The following BMP6 variants were observed in gnomAD, a reference collection of about 807,000 sequenced individuals.
BMP6 encodes bone morphogenetic protein 6, also known as VG-1-R.
BMP6 carries 17 observed loss-of-function variants against 54.1 expected under a neutral mutation model. The observed-to-expected ratio is 0.31, with a 90% CI of 0.22 to 0.47. The LOEUF (loss-of-function observed/expected upper bound fraction) is 0.47, where lower values mean the gene tolerates loss of function less well. BMP6 is among the 20% of genes least tolerant of loss of function. BMP6 has a pLI of 1.00. For missense variants in BMP6, 720 were observed against 690.4 expected (o/e 1.04, Z -0.48); for synonymous variants, 328 against 291.2 (o/e 1.13, Z -1.28).
chr6:7,747,412 C>T (rs1757363622), intron 1 of BMP6, among the ~76,000 whole-genome samples: 1 of 152,140 alleles, frequency 6.6e-6, no homozygotes, highest in Non-Finnish European at 1.5e-5. Flanking sequence ...GAAACATGAG[C>T]ACCTTTGAAG....
chr6:7,856,763 AT>A (rs1212198757), intron 2 of BMP6, among the ~76,000 whole-genome samples: 8 of 149,322 alleles, frequency 5.4e-5, no homozygotes, highest in Admixed American at 2.0e-4. Flanking sequence ...CGCCCGGCTA[AT>A]TTTTTGTATT....
intron 2 of BMP6, among the ~76,000 whole-genome samples, chr6:7,854,624 C>G (rs1053868714): frequency 6.6e-6 from 1 of 152,162 alleles, no homozygotes; most frequent in Non-Finnish European, 1.5e-5. Context: ...GGGTGAACCC[C>G]CGTCTCTACT....
At chr6:7,869,263 G>A (rs1320755203) in intron 4 of BMP6, among the ~76,000 whole-genome samples, 2 of 152,374 alleles carry the variant, frequency 1.3e-5, no homozygotes, top group Middle Eastern at 3.4e-3. Context: ...GGCCTCCAGT[G>A]CCAGGGAAGC....
chr6:7,755,469 T>C (rs756639239), intron 1 of BMP6, among the ~76,000 whole-genome samples: 1 of 152,252 alleles, frequency 6.6e-6, no homozygotes, highest in Non-Finnish European at 1.5e-5. Context: ...TCAATTTCCT[T>C]CTTCTGTTCT....
chr6:7,877,329 TC>T (rs1759636506), intron 4 of BMP6, among the ~76,000 whole-genome samples: 1 of 152,110 alleles, frequency 6.6e-6, no homozygotes, highest in Non-Finnish European at 1.5e-5. Flanking sequence ...CCTTAAAAAA[TC>T]ATGAAATCTG....
At chr6:7,736,498 A>T (rs938838883) in intron 1 of BMP6, among the ~76,000 whole-genome samples, 2 of 152,230 alleles carry the variant, frequency 1.3e-5, no homozygotes, top group Non-Finnish European at 2.9e-5. Context: ...AGAGGACTTT[A>T]AAAGGCTTCC....
At position 7,880,059 on chromosome 6, in the gene BMP6, C is replaced by T. The variant is rs779365354; in HGVS notation, c.1350C>T (p.Asn450=). ...YCDGECSFPL[N]AHMNATNHAI... is the part of the protein sequence containing the mutation. ...ATGGAGAATGCTCCTTCCCACTCAA[C>T]GCACACATGAATGCAACCAACCACG... The change falls in exon 6 of 7, where the codon AAC becomes AAT. Residue 450 remains asparagine (N), a synonymous_variant. Coordinates refer to ENST00000283147, the MANE Select transcript of BMP6 (RefSeq NM_001718.6). 9.9e-6 allele frequency: 16 copies of T among 1,614,168 alleles called. No homozygotes were observed. The East Asian group carries it at 1.3e-4, about 13-fold the overall frequency.
chr6:7,864,131 G>T (rs775081816), intron 4 of BMP6, among the ~76,000 whole-genome samples: 1 of 152,158 alleles, frequency 6.6e-6, no homozygotes, highest in Non-Finnish European at 1.5e-5. Context: ...CCCGTAGCTA[G>T]TTAGGATTGA....
At chr6:7,849,555 A>T (rs946477050) in intron 2 of BMP6, among the ~76,000 whole-genome samples, 9 of 152,104 alleles carry the variant, frequency 5.9e-5, no homozygotes, top group Admixed American at 4.6e-4. Context: ...TGCACTCATG[A>T]TCTTTGTTCT....
At chr6:7,877,799 C>A (rs186813048) in intron 4 of BMP6, among the ~76,000 whole-genome samples, 173 of 152,334 alleles carry the variant, frequency 1.1e-3, no homozygotes, top group African/African-American at 4.0e-3. Context: ...TAGGCTCTTA[C>A]ACCCACTGAC....
At chr6:7,780,792 G>T (rs1054129862) in intron 1 of BMP6, among the ~76,000 whole-genome samples, 1 of 151,972 alleles carries the variant, frequency 6.6e-6, no homozygotes, top group Non-Finnish European at 1.5e-5. Flanking sequence ...GCTCACTGCA[G>T]TGTTGATCTC....
Position 7,879,146 on chromosome 6 carries a change from G to A in BMP6, c.1277G>A (p.Trp426Ter). 1 of 1,613,608 alleles carries A rather than the reference G, an allele frequency of 6.2e-7. No homozygotes were observed. The highest frequency in any genetic ancestry group is 8.5e-7 in the Non-Finnish European group (1 of 1,179,462). The stretch of plus-strand genomic sequence containing the variant: ...TATGTGAGTTTCCAAGACCTGGGAT[G>A]GCAGGTGAGTTCTCTGGACACGGGG... ...ELYVSFQDLG[W>*]QDWIIAPKGY... The change falls in exon 5 of 7, where the codon TGG (tryptophan) becomes TAG (stop). Residue 426 changes from tryptophan (W) to a stop codon, truncating the protein, a stop_gained. Coordinates refer to ENST00000283147, the MANE Select transcript of BMP6 (RefSeq NM_001718.6). LOFTEE classifies it high-confidence loss of function.
chr6:7,862,127 C>T (rs1483391428), intron 3 of BMP6, among the ~76,000 whole-genome samples, 174 bp from the exon 4 acceptor site: 1 of 152,142 alleles, frequency 6.6e-6, no homozygotes, highest in Non-Finnish European at 1.5e-5. Context: ...TTGATTCTGC[C>T]AAAAGATGCC....
chr6:7,744,709 T>G (rs902362326), intron 1 of BMP6, among the ~76,000 whole-genome samples: 7 of 152,230 alleles, frequency 4.6e-5, no homozygotes, highest in African/African-American at 1.7e-4. Flanking sequence ...TTATCTGCCC[T>G]GAGCATGGGT....
At chr6:7,860,646 TCAC>T (rs1376253970) in intron 2 of BMP6, among the ~76,000 whole-genome samples, 3 of 152,206 alleles carry the variant, frequency 2.0e-5, no homozygotes, top group Non-Finnish European at 2.9e-5. Context: ...CAGCTGTAGC[TCAC>T]CACTGTGCTG....
At chr6:7,764,177 T>C (rs1757652227) in intron 1 of BMP6, among the ~76,000 whole-genome samples, 1 of 152,136 alleles carries the variant, frequency 6.6e-6, no homozygotes, top group South Asian at 2.1e-4. Context: ...GCTGAGGCTG[T>C]TGGAGCATGG....
chr6:7,859,183 T>TTCC (rs1759296239), intron 2 of BMP6, among the ~76,000 whole-genome samples: 1 of 152,136 alleles, frequency 6.6e-6, no homozygotes. Flanking sequence ...CTTCTCTGTT[T>TTCC]TCCTCCTCCT....
chr6:7,869,291 A>G (rs376308), intron 4 of BMP6, among the ~76,000 whole-genome samples: 49,570 of 152,194 alleles, frequency 0.33, 8,656 homozygotes, highest in East Asian at 0.59. Context: ...TCACTGGCCC[A>G]TCATGGCATA....
chr6:7,797,545 G>A (rs1319404851), intron 1 of BMP6, among the ~76,000 whole-genome samples: 2 of 152,166 alleles, frequency 1.3e-5, no homozygotes, highest in African/African-American at 4.8e-5. Context: ...ACAAGAGTGG[G>A]TGCTGAGAGG....
Sources: allele counts gnomAD v4.1 joint callset (sites outside exome capture counted in the v4.1 genomes callset), GRCh38; gene constraint gnomAD v4.1.1; transcripts MANE v1.5; gene names NCBI Gene and HGNC (gene_info 2026-07-23, HGNC 2026-07-21).